The following CPXM1 variants were observed in gnomAD, a reference collection of about 807,000 sequenced individuals.
CPXM1 encodes carboxypeptidase X, M14 family member 1.
A neutral mutation model predicts 80.4 loss-of-function variants in CPXM1; 72 were observed. The observed-to-expected ratio is 0.90, with a 90% CI of 0.74 to 1.09. CPXM1 has a LOEUF of 1.09. Ranked by LOEUF, CPXM1 falls within the 50% of genes least tolerant of loss-of-function variation. The pLI, the probability that CPXM1 is intolerant of heterozygous loss-of-function variation, is 0.00. For synonymous variants in CPXM1, 403 were observed against 405.6 expected, an observed-to-expected ratio of 0.99 and a Z score of 0.08; for missense variants, 892 against 999.4, an observed-to-expected ratio of 0.89 and a Z score of 1.45.
chr20:2,798,276 C>G lies in CPXM1; in HGVS notation c.466G>C (p.Gly156Arg). ...CACCAGGCTCCATCATATAGATCGCCGTCCTCCAGGCCTGACTGCAGACAC... is the reference window on the plus strand; with the variant it reads ...CACCAGGCTCCATCATATAGATCGCGGTCCTCCAGGCCTGACTGCAGACAC... ...RLNIQSGLED[G>R]DLYDGAWCAE... Residue 156 changes from glycine (G) to arginine (R), a missense_variant, in exon 4 of 14, where the codon GGC becomes CGC. Transcript: ENST00000380605. 1 of 1,613,886 alleles carries G rather than the reference C, an allele frequency of 6.2e-7. No individual in the cohort carries two copies.
At position 2,800,471 on chromosome 20, in the gene CPXM1, G is replaced by A. The variant is rs1372810092; in HGVS notation, c.102C>T (p.Thr34=). 2.1e-6 allele frequency: 3 copies of A among 1,456,196 alleles called. No homozygotes were observed. The highest frequency in any genetic ancestry group is 2.7e-6 in the Non-Finnish European group (3 of 1,112,152). The allele number at this position is 1,456,196 out of a possible 1,614,324, so 90.2% of individuals were successfully genotyped here. A position where few individuals can be genotyped will look rare whatever the true frequency, so the allele number is the denominator to read the frequency against. Residue 34 remains threonine (T), a synonymous_variant, in exon 1 of 14, where the codon ACC becomes ACT. Transcript: ENST00000380605. ...NSVLGLAQPG[T]TKVPGSTPAL... The stretch of plus-strand genomic sequence containing the variant: ...CCGGGGTCGAGCCTGGGACCTTGGT[G>A]GTCCCGGGCTGCGCGAGGCCCAGCA...
chr20:2,798,979 G>A (rs1322849430), intron 1 of CPXM1, 86 bp from the exon 2 acceptor site: 3 of 1,401,844 alleles, frequency 2.1e-6, no homozygotes, highest in Non-Finnish European at 3.0e-6. Context: ...GAAGACATGT[G>A]AGCCCACAGC....
In CPXM1 at chr20:2,797,343, C is replaced by G. The variant is rs1393106075; in HGVS notation, c.682-1G>C. On this transcript the variant is annotated splice_acceptor_variant, in intron 5 of 13. Transcript: ENST00000380605. LOFTEE classifies it high-confidence loss of function. ...CTGGGTCTGAATTGGCAGGAAATAC[C>G]TGGGGGCAGCAAGTTCTCTGTTGTG... 1 of 1,483,984 alleles carries G rather than the reference C, an allele frequency of 6.7e-7. No homozygotes were observed. Among genetic ancestry groups the G allele is most frequent in the African/African-American group, 1.4e-5 (1 of 71,812 alleles). 91.9% of individuals were successfully genotyped at this position (1,483,984 alleles called of 1,614,324 possible).
rs1225741742 is a variant in CPXM1 at position 2,796,002 on chromosome 20, A to C, written c.1402T>G (p.Tyr468Asp). 6.2e-7 allele frequency: 1 copy of C among 1,611,008 alleles called. No individual in the cohort carries two copies. Among genetic ancestry groups the C allele is most frequent in the African/African-American group, 1.3e-5 (1 of 75,042 alleles). Residue 468 changes from tyrosine to aspartate, a missense_variant, in exon 10 of 14, where the codon TAC (tyrosine) becomes GAC (aspartate). Coordinates refer to ENST00000380605, the MANE Select transcript of CPXM1 (RefSeq NM_019609.5). The surrounding 1 kb of genome is among the most constrained non-coding windows in gnomAD (Gnocchi z 6.8). ...CTCACGGTGGCATTGGGCAGGGTGT[A>C]GTAAGTGGGCAATGGCAGGTGATGG... ...PNHHLPLPTY[Y>D]TLPNATVAPE...
chr20:2,797,429 T>A (rs127076), intron 5 of CPXM1, 87 bp from the exon 6 acceptor site: 1 of 1,383,602 alleles, frequency 7.2e-7, no homozygotes, highest in Non-Finnish European at 9.5e-7. Context: ...CCTCCAAGCT[T>A]ACTGTCTCCC....
At position 2,794,239 on chromosome 20, in the gene CPXM1, G is replaced by A. The variant is rs749787483; in HGVS notation, c.2156C>T (p.Pro719Leu). 3.7e-6 allele frequency: 6 copies of A among 1,613,982 alleles called. No homozygotes were observed. Among genetic ancestry groups the A allele is most frequent in the South Asian group, 1.1e-5 (1 of 91,080 alleles). ...RELLAAGAKV[P>L]PDLRRRLERL... Reference sequence around the variant, plus strand: ...CTCCAGGCGCCTGCGAAGGTCCGGGGGCACCTTGGCCCCAGCTGCCAGCAG... The same window carrying A: ...CTCCAGGCGCCTGCGAAGGTCCGGGAGCACCTTGGCCCCAGCTGCCAGCAG... Residue 719 changes from proline (P) to leucine (L), a missense_variant, in exon 14 of 14, where the codon CCC (proline) becomes CTC (leucine). By Grantham distance (98) the Pro-to-Leu change is moderately conservative. Transcript: ENST00000380605. The surrounding 1 kb of genome is among the most constrained non-coding windows in gnomAD (Gnocchi z 5.2).
At position 2,795,835 on chromosome 20, in the gene CPXM1, G is replaced by A; in HGVS notation, c.1484C>T (p.Ala495Val). 6 of 1,611,912 alleles carry A rather than the reference G, an allele frequency of 3.7e-6. No individual in the cohort carries two copies. Among genetic ancestry groups the A allele is most frequent in the Non-Finnish European group, 5.1e-6 (6 of 1,179,986 alleles). ...WMKRIPFVLS[A>V]NLHGGELVVS... ...CACGAGCTCACCCCCGTGGAGGTTG[G>A]CACTTAGCACAAAGGGGATCCGCTT... Residue 495 changes from alanine (A) to valine (V), a missense_variant, in exon 11 of 14, where the codon GCC (alanine) becomes GTC (valine). By Grantham distance (64) the Ala-to-Val change is moderately conservative (BLOSUM62 0). This residue lies in a region of CPXM1 where 874 missense variants were observed against 958.4 expected (regional missense o/e 0.91). Coordinates refer to ENST00000380605, the MANE Select transcript of CPXM1 (RefSeq NM_019609.5). The surrounding 1 kb of genome is among the most constrained non-coding windows in gnomAD (Gnocchi z 5.4).
At position 2,795,337 on chromosome 20, in the gene CPXM1, C is replaced by A; in HGVS notation, c.1800G>T (p.Glu600Asp). 6.2e-7 allele frequency: 1 copy of A among 1,614,168 alleles called. No individual in the cohort carries two copies. The highest frequency in any genetic ancestry group is 2.2e-5 in the East Asian group (1 of 44,874). Residue 600 changes from glutamate to aspartate, a missense_variant, in exon 12 of 14, where the codon GAG becomes GAT. Around this residue, in one of 2 missense-constraint regions of CPXM1, gnomAD observed 874 missense variants for 958.4 expected, o/e 0.91. Transcript: ENST00000380605. This position sits in a 1 kb window ranked among gnomAD's most constrained non-coding sequence, Gnocchi z 5.4. ...TCTCCCACTCCTGGGGCAATTCATT[C>A]TCGTGAGGGAACTTGTCACAGGACA... ...VELSCDKFPH[E>D]NELPQEWENN...
At chr20:2,800,105 AGTGTGAGTGTGCGCGCGC>A (rs910832875) in intron 1 of CPXM1, among the ~76,000 whole-genome samples, 2 of 148,266 alleles carry the variant, frequency 1.3e-5, no homozygotes, top group Non-Finnish European at 3.0e-5. Context: ...GTGCACTGTG[AGTGTGAGTGTGCGCGCGC>A]GTGCACTGTG....
chr20:2,794,434 G>A lies in CPXM1; in HGVS notation c.1964-3C>T. 1.2e-6 allele frequency: 2 copies of A among 1,613,660 alleles called. No individual in the cohort carries two copies. Among genetic ancestry groups the A allele is most frequent in the Non-Finnish European group, 1.7e-6 (2 of 1,179,640 alleles). ...ACGCCAATAATCCCCGCCCCACGCT[G>A]AGGAGAGTGAAGGGCACGATCAGGA... On this transcript the variant is annotated splice_polypyrimidine_tract_variant and splice_region_variant and intron_variant, in intron 13 of 13. Transcript: ENST00000380605. The surrounding 1 kb of genome is among the most constrained non-coding windows in gnomAD (Gnocchi z 5.2).
rs1182725623 is a variant in CPXM1, at chr20:2,798,204, GC to G, written c.537del (p.His180ThrfsTer61). On this transcript the variant is annotated frameshift_variant, in exon 4 of 14. Coordinates refer to ENST00000380605, the MANE Select transcript of CPXM1 (RefSeq NM_019609.5). LOFTEE classifies it high-confidence loss of function. Reference sequence around the variant, plus strand: ...ATAACACCCGAGAAGCGGGTGGGGTGCCCAGCGTCCACCTGAAACCATGGAT... The same window carrying G: ...ATAACACCCGAGAAGCGGGTGGGGTGCCAGCGTCCACCTGAAACCATGGAT... ...DADPWFQVDAGHPTRFSGVIT... is the reference protein window; with the variant it reads ...DADPWFQVDAXHPTRFSGVIT... 1 of 1,613,962 alleles carries G rather than the reference GC, an allele frequency of 6.2e-7. No individual in the cohort carries two copies. Among genetic ancestry groups the G allele is most frequent in the Non-Finnish European group, 8.5e-7 (1 of 1,180,028 alleles).
rs142149554 is a variant in CPXM1 at position 2,794,339 on chromosome 20, G to A, written c.2056C>T (p.Arg686Trp). 574 of 1,614,004 alleles carry A rather than the reference G, an allele frequency of 3.6e-4. No individual in the cohort carries two copies. The highest frequency in any genetic ancestry group is 4.6e-4 in the Non-Finnish European group (538 of 1,180,034). The change falls in exon 14 of 14, where the codon CGG becomes TGG. Residue 686 changes from arginine to tryptophan, a missense_variant. Coordinates refer to ENST00000380605, the MANE Select transcript of CPXM1 (RefSeq NM_019609.5). This position sits in a 1 kb window ranked among gnomAD's most constrained non-coding sequence, Gnocchi z 5.2. ...AAGGGGCCCTCTTCAAAGGTGACCC[G>A]ACAGTTCCGTGTCACTGAATGGTAG... ...EGYHSVTRNC[R>W]VTFEEGPFPC...
chr20:2,794,446 G>A lies in CPXM1; in HGVS notation c.1964-15C>T, dbSNP rs759924927. 2 of 1,613,420 alleles carry A rather than the reference G, an allele frequency of 1.2e-6. No individual in the cohort carries two copies. The highest frequency in any genetic ancestry group is 4.5e-5 in the East Asian group (2 of 44,856). ...CCCGCCCCACGCTGAGGAGAGTGAA[G>A]GGCACGATCAGGACCCAATTAATGA... On this transcript the variant is annotated splice_polypyrimidine_tract_variant and intron_variant, in intron 13 of 13. Coordinates refer to ENST00000380605, the MANE Select transcript of CPXM1 (RefSeq NM_019609.5). This position sits in a 1 kb window ranked among gnomAD's most constrained non-coding sequence, Gnocchi z 5.2.
In CPXM1 at chr20:2,794,285, G is replaced by A. The variant is rs949720041; in HGVS notation, c.2110C>T (p.Pro704Ser). 6.2e-7 allele frequency: 1 copy of A among 1,614,128 alleles called. No individual in the cohort carries two copies. The highest frequency in any genetic ancestry group is 1.3e-5 in the African/African-American group (1 of 75,036). ...FPCNFVLTKT[P>S]KQRLRELLAA... is the part of the protein sequence containing the mutation. ...AGCAGCTCGCGCAGCCTCTGTTTGG[G>A]AGTCTTGGTGAGCACGAAATTGCAG... Residue 704 changes from proline (P) to serine (S), a missense_variant, in exon 14 of 14, where the codon CCC becomes TCC. Pro to Ser is a moderately conservative substitution (Grantham distance 74, BLOSUM62 -1). Transcript: ENST00000380605. This position sits in a 1 kb window ranked among gnomAD's most constrained non-coding sequence, Gnocchi z 5.2.
At position 2,800,148 on chromosome 20, in the gene CPXM1, CGT is replaced by C. The variant is rs542454807; in HGVS notation, c.172+251_172+252del. On this transcript the variant is annotated intron_variant, in intron 1 of 13. Transcript: ENST00000380605. Reference sequence around the variant, plus strand: ...CGTGCACTGTGTGTGCGCGCACGCGCGTGTGAGTGTGCGTGTGTGTGCATGCG... The same window carrying C: ...CGTGCACTGTGTGTGCGCGCACGCGCGTGAGTGTGCGTGTGTGTGCATGCG... 2.4e-4 allele frequency among the ~76,000 whole-genome samples: 35 copies of C among 145,882 alleles called. No homozygotes were observed. In the Middle Eastern group the frequency reaches 0.019, roughly 78 times the overall value.
In CPXM1 at chr20:2,794,115, T is replaced by C; in HGVS notation, c.*75A>G. On this transcript the variant is annotated 3_prime_UTR_variant, in exon 14 of 14. Coordinates refer to ENST00000380605, the MANE Select transcript of CPXM1 (RefSeq NM_019609.5). The surrounding 1 kb of genome is among the most constrained non-coding windows in gnomAD (Gnocchi z 5.2). ...TTTAATGAGCACCTTTTCCTCACTT[T>C]GTCCCTCCCTCTCTACTCTTCCCCT... The C allele has an allele frequency of 1.3e-6, 2 of 1,516,394 alleles. No homozygotes were observed. The highest frequency in any genetic ancestry group is 1.8e-6 in the Non-Finnish European group (2 of 1,132,582). 93.9% of individuals were successfully genotyped at this position (1,516,394 alleles called of 1,614,324 possible).
Position 2,795,346 on chromosome 20 carries a change from G to A in CPXM1, c.1791C>T (p.Phe597=), listed in dbSNP as rs150695261. 2.1e-5 allele frequency: 34 copies of A among 1,614,066 alleles called. No individual in the cohort carries two copies. Among genetic ancestry groups the A allele is most frequent in the Non-Finnish European group, 1.5e-5 (18 of 1,180,034 alleles). Residue 597 remains phenylalanine, a synonymous_variant, in exon 12 of 14, where the codon TTC becomes TTT. Transcript: ENST00000380605. This position sits in a 1 kb window ranked among gnomAD's most constrained non-coding sequence, Gnocchi z 5.4. The stretch of plus-strand genomic sequence containing the variant: ...CCTGGGGCAATTCATTCTCGTGAGG[G>A]AACTTGTCACAGGACAGCTCCACAG... ...EVTVELSCDK[F]PHENELPQEW...
At position 2,796,376 on chromosome 20, in the gene CPXM1, C is replaced by T; in HGVS notation, c.1113G>A (p.Leu371=). The change falls in exon 9 of 14, where the codon CTG becomes CTA. Residue 371 remains leucine (L), a synonymous_variant. Coordinates refer to ENST00000380605, the MANE Select transcript of CPXM1 (RefSeq NM_019609.5). This position sits in a 1 kb window ranked among gnomAD's most constrained non-coding sequence, Gnocchi z 6.8. The stretch of plus-strand genomic sequence containing the variant: ...CATGGCACAGGAACTGCATCAGGAG[C>T]AGAAGCAACTCCCGCCCCAGGGCCT... ...GNEALGRELL[L]LLMQFLCHEF... is the part of the protein sequence containing the mutation. 6.2e-7 allele frequency: 1 copy of T among 1,614,122 alleles called. No individual in the cohort carries two copies. The highest frequency in any genetic ancestry group is 8.5e-7 in the Non-Finnish European group (1 of 1,180,014).
chr20:2,800,298 G>T (rs1270756217), intron 1 of CPXM1, 103 bp downstream of exon 1: 4 of 1,050,670 alleles, frequency 3.8e-6, no homozygotes, highest in South Asian at 3.7e-5. Flanking sequence ...GTGAGTGTGC[G>T]TGGGTGTGCG....
Sources: gnomAD v4.1 joint callset for allele counts (sites outside exome capture counted in the v4.1 genomes callset) on GRCh38, gnomAD v4.1.1 for gene constraint, gnomAD v4.1.1 regional missense constraint, Gnocchi (gnomAD v3.1) non-coding constraint, MANE v1.5 for transcripts, NCBI Gene and HGNC (gene_info 2026-07-23, HGNC 2026-07-21) for gene names.